OR2T6: variants seen among roughly 807,000 people sequenced by gnomAD.
OR2T6 encodes olfactory receptor 2T6.
For synonymous variants in OR2T6, 174 were observed against 148.0 expected (o/e 1.18, Z -1.27); for missense variants, 424 against 391.6 (o/e 1.08, Z -0.70).
intron 1 of OR2T6, among the ~76,000 whole-genome samples, chr1:248,381,870 A>C (rs1376873087): frequency 6.6e-6 from 1 of 151,684 alleles, no homozygotes; most frequent in Non-Finnish European, 1.5e-5. Context: ...CCCCTAATTT[A>C]TCTCAGAATG....
In OR2T6 at chr1:248,391,119, T is replaced by C. The variant is rs1331916154; in HGVS notation, c.*2584T>C. On this transcript the variant is annotated 3_prime_UTR_variant, in exon 3 of 3. Transcript: ENST00000641644. ...CAATATTGAACATAATCTTATCATA[T>C]GATCTGGCAATTGTGTTTCTTGGTG... 1 of 152,230 alleles carries C rather than the reference T, an allele frequency of 6.6e-6. No individual in the cohort carries two copies. The highest frequency in any genetic ancestry group is 1.5e-5 in the Non-Finnish European group (1 of 68,044). 9.4% of individuals were successfully genotyped at this position (152,230 alleles called of 1,614,324 possible).
At chr1:248,386,469 CA>C (rs1661137949) in intron 2 of OR2T6, among the ~76,000 whole-genome samples, 1 of 151,964 alleles carries the variant, frequency 6.6e-6, no homozygotes, top group African/African-American at 2.4e-5. Flanking sequence ...TCAAGACCCA[CA>C]AAAATACAAC....
At position 248,390,829 on chromosome 1, in the gene OR2T6, T is replaced by A. The variant is rs1481866529; in HGVS notation, c.*2294T>A. 3 of 152,216 alleles carry A rather than the reference T, an allele frequency of 2.0e-5. No homozygotes were observed. The highest frequency in any genetic ancestry group is 4.4e-5 in the Non-Finnish European group (3 of 68,028). The allele number at this position is 152,216 out of a possible 1,614,324, so 9.4% of individuals were successfully genotyped here. Reference sequence around the variant, plus strand: ...TAAACACCATGTGAATTTCTGTCAATCATACAATGCTTCTGAGGACCAACT... The same window carrying A: ...TAAACACCATGTGAATTTCTGTCAAACATACAATGCTTCTGAGGACCAACT... On this transcript the variant is annotated 3_prime_UTR_variant, in exon 3 of 3. Transcript: ENST00000641644.
intron 1 of OR2T6, among the ~76,000 whole-genome samples, chr1:248,383,310 A>G (rs879147121): frequency 2.7e-4 from 24 of 88,094 alleles, no homozygotes; most frequent in South Asian, 4.6e-4. Flanking sequence ...GTGTTTCCTA[A>G]TGTTATTGTC....
At chr1:248,384,267 ATTG>A (rs1282616502) in intron 1 of OR2T6, among the ~76,000 whole-genome samples, 2 of 96,220 alleles carry the variant, frequency 2.1e-5, no homozygotes, top group African/African-American at 5.6e-5. Flanking sequence ...TCCTAATGTT[ATTG>A]TCATGGGTAA....
Position 248,387,936 on chromosome 1 carries a change from G to T in OR2T6, c.328G>T (p.Ala110Ser). 1 of 1,606,504 alleles carries T rather than the reference G, an allele frequency of 6.2e-7. No homozygotes were observed. Among genetic ancestry groups the T allele is most frequent in the Non-Finnish European group, 8.5e-7 (1 of 1,176,370 alleles). Residue 110 changes from alanine to serine, a missense_variant, in exon 3 of 3, where the codon GCT (alanine) becomes TCT (serine). By Grantham distance (99) the Ala-to-Ser change is moderately conservative. Coordinates refer to ENST00000641644, the MANE Select transcript of OR2T6 (RefSeq NM_001005471.2). Reference protein sequence around the residue: ...QCFLYMGFMGAEFFLLGLMAY... With the variant: ...QCFLYMGFMGSEFFLLGLMAY... ...CTTTCTCTACATGGGCTTTATGGGGGCTGAATTCTTCCTGCTGGGGCTCAT... is the reference window on the plus strand; with the variant it reads ...CTTTCTCTACATGGGCTTTATGGGGTCTGAATTCTTCCTGCTGGGGCTCAT...
intron 1 of OR2T6, among the ~76,000 whole-genome samples, chr1:248,378,547 GT>G (rs71738350): frequency 0.089 from 13,584 of 152,008 alleles, 1,870 homozygotes; most frequent in African/African-American, 0.3. Flanking sequence ...GCATATGTGG[GT>G]TTTTTTGTAT....
chr1:248,377,067 A>G (rs1660948994), intron 1 of OR2T6, among the ~76,000 whole-genome samples: 2 of 152,208 alleles, frequency 1.3e-5, no homozygotes, highest in Admixed American at 1.3e-4. Flanking sequence ...AGACAGGAAC[A>G]TTCTTGCTAT....
chr1:248,381,216 A>G (rs28407727), intron 1 of OR2T6, among the ~76,000 whole-genome samples: 21,337 of 151,514 alleles, frequency 0.14, 2,171 homozygotes, highest in East Asian at 0.43. Context: ...CCAGTAACTG[A>G]TTTGGTTAAT....
rs1369121367 is a variant in OR2T6 at position 248,390,109 on chromosome 1, A to T, written c.*1574A>T. ...TTTGAGTCCTTATCTGGTTGGATACAGTCTTTTATTTTTTAATTTGTTTAG... is the reference window on the plus strand; with the variant it reads ...TTTGAGTCCTTATCTGGTTGGATACTGTCTTTTATTTTTTAATTTGTTTAG... On this transcript the variant is annotated 3_prime_UTR_variant, in exon 3 of 3. Transcript: ENST00000641644. 2 of 152,294 alleles carry T rather than the reference A, an allele frequency of 1.3e-5. No homozygotes were observed. The highest frequency in any genetic ancestry group is 1.3e-4 in the Admixed American group (2 of 15,302). 9.4% of individuals were successfully genotyped at this position (152,294 alleles called of 1,614,324 possible). A position where few individuals can be genotyped will look rare whatever the true frequency, so the allele number is the denominator to read the frequency against.
chr1:248,387,839 T>C lies in OR2T6; in HGVS notation c.231T>C (p.Ile77=). ...TTGACACATTATACATCTCCACCAT[T>C]GTGCCCAAGATGCTGGTAGATTATC... ...SVIDTLYIST[I]VPKMLVDYLM... The change falls in exon 3 of 3, where the codon ATT becomes ATC. Residue 77 remains isoleucine, a synonymous_variant. Coordinates refer to ENST00000641644, the MANE Select transcript of OR2T6 (RefSeq NM_001005471.2). 1 of 1,602,954 alleles carries C rather than the reference T, an allele frequency of 6.2e-7. No homozygotes were observed. Among genetic ancestry groups the C allele is most frequent in the Non-Finnish European group, 8.5e-7 (1 of 1,171,722 alleles).
chr1:248,378,374 T>C (rs1216228665), intron 1 of OR2T6, among the ~76,000 whole-genome samples: 1 of 152,192 alleles, frequency 6.6e-6, no homozygotes, highest in Non-Finnish European at 1.5e-5. Context: ...CATAAAGAAA[T>C]GTATTTATTT....
chr1:248,385,304 TA>T (rs1363085508), intron 2 of OR2T6, among the ~76,000 whole-genome samples: 1 of 152,218 alleles, frequency 6.6e-6, no homozygotes, highest in Non-Finnish European at 1.5e-5. Context: ...TCAGTATAGA[TA>T]AAAAATTGAA....
At chr1:248,385,690 C>T (rs1356899775) in intron 2 of OR2T6, among the ~76,000 whole-genome samples, 1 of 152,158 alleles carries the variant, frequency 6.6e-6, no homozygotes, top group Non-Finnish European at 1.5e-5. Flanking sequence ...TAGAGTGTGT[C>T]CCCTAGTGCT....
At chr1:248,385,242 A>G (rs957123615) in intron 2 of OR2T6, among the ~76,000 whole-genome samples, 2 of 152,174 alleles carry the variant, frequency 1.3e-5, no homozygotes, top group Non-Finnish European at 2.9e-5. Context: ...GCTTTTCTCT[A>G]CTGAGGAGTC....
At chr1:248,380,758 T>A (rs1367624178) in intron 1 of OR2T6, among the ~76,000 whole-genome samples, 2 of 149,294 alleles carry the variant, frequency 1.3e-5, no homozygotes, top group African/African-American at 4.9e-5. Context: ...CCTATTATTA[T>A]GATTTTAGAA....
chr1:248,381,675 A>G lies in OR2T6; in HGVS notation c.-158-3036A>G, dbSNP rs1364466755. ...TATGTATCTATCTATTTCTACATAT[A>G]TATGTCTTTGTTGATAAGAATCTTT... On this transcript the variant is annotated intron_variant, in intron 1 of 2. Coordinates refer to ENST00000641644, the MANE Select transcript of OR2T6 (RefSeq NM_001005471.2). Among the ~76,000 whole-genome samples, 4 of 152,092 alleles carry G rather than the reference A, an allele frequency of 2.6e-5. No homozygotes were observed. In the East Asian group the frequency reaches 5.8e-4, roughly 22 times the overall value.
At chr1:248,386,025 A>C (rs1370984748) in intron 2 of OR2T6, among the ~76,000 whole-genome samples, 1 of 152,178 alleles carries the variant, frequency 6.6e-6, no homozygotes, top group Non-Finnish European at 1.5e-5. Flanking sequence ...CAGAACCCCA[A>C]ACAAGCATTC....
intron 2 of OR2T6, among the ~76,000 whole-genome samples, chr1:248,386,311 CT>C (rs1375881341): frequency 1.3e-4 from 20 of 152,270 alleles, no homozygotes; most frequent in African/African-American, 4.8e-4. Context: ...GTATGGTTTC[CT>C]GCCTCTGGCC....
Sources: allele counts gnomAD v4.1 joint callset (sites outside exome capture counted in the v4.1 genomes callset), GRCh38; gene constraint gnomAD v4.1.1; transcripts MANE v1.5; gene names NCBI Gene and HGNC (gene_info 2026-07-23, HGNC 2026-07-21).